Variants in BCAS3 observed in about 807,000 individuals in gnomAD.
BCAS3 encodes the protein BCAS3 microtubule associated cell migration factor.
Under a neutral mutation model 116.1 loss-of-function variants are expected in BCAS3, and 53 were observed. The observed-to-expected ratio is 0.46, with a 90% CI of 0.37 to 0.57. BCAS3 has a LOEUF of 0.57. BCAS3 is among the 20% of genes least tolerant of loss of function. The pLI is 0.00. For synonymous variants in BCAS3, 391 were observed against 408.2 expected, an observed-to-expected ratio of 0.96 and a Z score of 0.51; for missense variants, 917 against 1,165.4, an observed-to-expected ratio of 0.79 and a Z score of 3.10.
chr17:60,930,479 C>T (rs943951617), intron 13 of BCAS3, among the ~76,000 whole-genome samples: 3 of 152,228 alleles, frequency 2.0e-5, no homozygotes, highest in South Asian at 2.1e-4. Context: ...TTTTTTGAGA[C>T]GGAGTCTTGC....
Position 61,281,589 on chromosome 17 carries a change from C to T in BCAS3, c.2426-86738C>T, listed in dbSNP as rs1361533214. ...GCATTTCTCTTAGACTGGCATGGAA[C>T]GTATTTTCACAAATTTAAATGCCAT... On this transcript the variant is annotated intron_variant, in intron 22 of 23. Coordinates refer to ENST00000407086, the MANE Select transcript of BCAS3 (RefSeq NM_017679.5). The surrounding 1 kb of genome is among the most constrained non-coding windows in gnomAD (Gnocchi z 4.2). Among the ~76,000 whole-genome samples, 3 of 152,068 alleles carry T rather than the reference C, an allele frequency of 2.0e-5. No individual in the cohort carries two copies. The highest frequency in any genetic ancestry group is 6.5e-5 in the Admixed American group (1 of 15,268).
At chr17:61,191,143 A>G (rs1247250591) in intron 22 of BCAS3, among the ~76,000 whole-genome samples, 1 of 151,994 alleles carries the variant, frequency 6.6e-6, no homozygotes, top group African/African-American at 2.4e-5. Flanking sequence ...TTTAAAAAAA[A>G]ATTACACATC....
intron 5 of BCAS3, among the ~76,000 whole-genome samples, chr17:60,736,309 CT>C (rs375625714): frequency 0.03 from 4,532 of 149,042 alleles, 220 homozygotes; most frequent in African/African-American, 0.1. Flanking sequence ...CTTGTAATGT[CT>C]TTTTTTTTTC....
chr17:60,965,403 G>A (rs2061606725), intron 14 of BCAS3, among the ~76,000 whole-genome samples: 2 of 151,974 alleles, frequency 1.3e-5, no homozygotes, highest in South Asian at 4.2e-4. Context: ...TGTATTTTTA[G>A]TAGAGATGGA....
At chr17:61,342,966 G>T (rs1473249563) in intron 22 of BCAS3, among the ~76,000 whole-genome samples, 1 of 152,024 alleles carries the variant, frequency 6.6e-6, no homozygotes, top group Non-Finnish European at 1.5e-5. Flanking sequence ...TGGCCAGGCT[G>T]GTCTTGAACT....
chr17:60,990,289 T>C lies in BCAS3; in HGVS notation c.1486+54T>C, dbSNP rs1213423971. The C allele has an allele frequency of 5.1e-6, 8 of 1,571,346 alleles. 1 individual carries two copies. The African/African-American group carries it at 8.2e-5, about 16-fold the overall frequency. ...TGAATCTTCCTTCCCTTTGTCCTTA[T>C]TTTTACAGATCTGGGATAAAACTAA... On this transcript the variant is annotated intron_variant, in intron 15 of 23. Coordinates refer to ENST00000407086, the MANE Select transcript of BCAS3 (RefSeq NM_017679.5). This position sits in a 1 kb window ranked among gnomAD's most constrained non-coding sequence, Gnocchi z 5.1.
At chr17:60,824,159 A>G (rs369488031) in intron 7 of BCAS3, among the ~76,000 whole-genome samples, 1 of 152,320 alleles carries the variant, frequency 6.6e-6, no homozygotes, top group African/African-American at 2.4e-5. Context: ...AGTAATGGAA[A>G]TGATTTTCCA....
chr17:60,925,728 T>C (rs1018202730), intron 13 of BCAS3, among the ~76,000 whole-genome samples: 1 of 152,176 alleles, frequency 6.6e-6, no homozygotes, highest in African/African-American at 2.4e-5. Flanking sequence ...TCTCTTTTTC[T>C]TTTAAATGAC....
chr17:61,005,134 C>T (rs2064570891), intron 15 of BCAS3, among the ~76,000 whole-genome samples: 1 of 152,034 alleles, frequency 6.6e-6, no homozygotes, highest in Non-Finnish European at 1.5e-5. Context: ...TGGTATCACT[C>T]CTCTTTGTGG....
intron 8 of BCAS3, among the ~76,000 whole-genome samples, chr17:60,870,191 A>C (rs77597734): frequency 1.3e-5 from 2 of 152,238 alleles, no homozygotes; most frequent in Non-Finnish European, 2.9e-5. Context: ...CCTGTAGCCC[A>C]TGCTTAATTC....
chr17:60,880,478 C>G (rs2056018772), intron 9 of BCAS3, among the ~76,000 whole-genome samples: 1 of 152,058 alleles, frequency 6.6e-6, no homozygotes, highest in South Asian at 2.1e-4. Context: ...TTAGTAGAGA[C>G]AGGGTTTCAC....
At chr17:61,167,675 A>C (rs1183029892) in intron 22 of BCAS3, among the ~76,000 whole-genome samples, 1 of 152,188 alleles carries the variant, frequency 6.6e-6, no homozygotes, top group African/African-American at 2.4e-5. Flanking sequence ...AACTTAAGGA[A>C]ATGACACAGA....
rs992148295 is a variant in BCAS3, at chr17:61,323,334, A to T, written c.2426-44993A>T. Among the ~76,000 whole-genome samples the T allele has an allele frequency of 2.0e-5, 3 of 152,192 alleles. No homozygotes were observed. Among genetic ancestry groups the T allele is most frequent in the African/African-American group, 7.2e-5 (3 of 41,454 alleles). ...GGTTGAATATGAATTTATGTGGAGC[A>T]CTCAGCTACAACATGGAAATAAGTA... On this transcript the variant is annotated intron_variant, in intron 22 of 23. Transcript: ENST00000407086. The surrounding 1 kb of genome is among the most constrained non-coding windows in gnomAD (Gnocchi z 4.6).
At chr17:61,059,140 T>A (rs891489607) in intron 19 of BCAS3, among the ~76,000 whole-genome samples, 1 of 131,432 alleles carries the variant, frequency 7.6e-6, no homozygotes, top group Non-Finnish European at 1.6e-5. Flanking sequence ...TGGAGTGCGG[T>A]GGCACAATCT....
chr17:60,846,629 A>G (rs576075231), intron 7 of BCAS3, among the ~76,000 whole-genome samples: 1 of 152,170 alleles, frequency 6.6e-6, no homozygotes, highest in South Asian at 2.1e-4. Flanking sequence ...TGTTCAATAT[A>G]TATACATTTA....
intron 5 of BCAS3, among the ~76,000 whole-genome samples, chr17:60,711,940 T>C (rs1568076124): frequency 6.6e-6 from 1 of 151,938 alleles, no homozygotes; most frequent in African/African-American, 2.4e-5. Flanking sequence ...GGCAGGCAGA[T>C]CATTTGAGGT....
intron 6 of BCAS3, among the ~76,000 whole-genome samples, chr17:60,786,804 C>G (rs1227482326): frequency 6.6e-6 from 1 of 151,950 alleles, no homozygotes; most frequent in African/African-American, 2.4e-5. Context: ...CTGGAAAGAC[C>G]AGACTACAAA....
chr17:61,123,070 T>C (rs2075869086), intron 22 of BCAS3, among the ~76,000 whole-genome samples: 1 of 151,950 alleles, frequency 6.6e-6, no homozygotes, highest in Admixed American at 6.6e-5. Flanking sequence ...GCCTCCCAAG[T>C]AGCTGGGACT....
At chr17:60,814,304 T>TGCGC (rs59755143) in intron 7 of BCAS3, among the ~76,000 whole-genome samples, 2,914 of 136,788 alleles carry the variant, frequency 0.021, 83 homozygotes, top group African/African-American at 0.077. Context: ...TGTGTGTGTG[T>TGCGC]GTGCGCGCGT....
Sources: allele counts gnomAD v4.1 joint callset (sites outside exome capture counted in the v4.1 genomes callset), GRCh38; gene constraint gnomAD v4.1.1; non-coding constraint Gnocchi (gnomAD v3.1); transcripts MANE v1.5; gene names NCBI Gene and HGNC (gene_info 2026-07-23, HGNC 2026-07-21).